HEPH: variants seen among roughly 807,000 people sequenced by gnomAD.
HEPH encodes hephaestin.
HEPH carries 69 observed loss-of-function variants against 80.8 expected under a neutral mutation model. The ratio of observed to expected loss-of-function variants is 0.85; its 90% CI spans 0.70 to 1.04. The LOEUF is 1.04. Ranked by LOEUF, HEPH falls within the 50% of genes least tolerant of loss-of-function variation. The pLI is 0.00. For synonymous variants in HEPH, 431 were observed against 322.8 expected, an observed-to-expected ratio of 1.34 and a Z score of -3.60; for missense variants, 1,115 against 891.3, an observed-to-expected ratio of 1.25 and a Z score of -3.20.
At chrX:66,259,094 C>A in intron 18 of HEPH, 115 bp downstream of exon 18, 1 of 797,027 alleles carries the variant, frequency 1.3e-6, no homozygotes, top group Non-Finnish European at 1.7e-6. Flanking sequence ...GAGCAGAGGT[C>A]TAGTACATGG....
chrX:66,195,035 C>A, intron 8 of HEPH, 63 bp from the exon 9 acceptor site: 1 of 936,008 alleles, frequency 1.1e-6, no homozygotes, highest in African/African-American at 2.0e-5. Context: ...CCTCTTCTTC[C>A]ATTTCCTTCC....
intron 9 of HEPH, among the ~76,000 whole-genome samples, chrX:66,195,546 T>C (rs899313328): frequency 9.0e-6 from 1 of 111,606 alleles, no homozygotes; most frequent in African/African-American, 3.3e-5. Flanking sequence ...TTTAAATATT[T>C]TTATGTGCTT....
chrX:66,243,540 A>G (rs1433204024), intron 15 of HEPH, among the ~76,000 whole-genome samples: 1 of 112,828 alleles, frequency 8.9e-6, no homozygotes. Flanking sequence ...CCATCTCTAT[A>G]CTTTGACCCT....
intron 1 of HEPH, chrX:66,169,824 A>G (rs1366281253): frequency 8.9e-6 from 1 of 111,791 alleles, no homozygotes; most frequent in African/African-American, 3.3e-5. Context: ...TTCAAGGCAA[A>G]CATTATCCTT....
Position 66,245,587 on chromosome X carries a change from C to T in HEPH, c.2564-9448C>T, listed in dbSNP as rs1182942952. ...ACAGATCAACGAGACAGAAAGTTAA[C>T]AAGGATATCCAGGAACTGAACTCAG... On this transcript the variant is annotated intron_variant, in intron 15 of 20. Transcript: ENST00000343002. Among the ~76,000 whole-genome samples, 6 of 111,209 alleles carry T rather than the reference C, an allele frequency of 5.4e-5. 1 individual carries two copies. The South Asian group carries it at 1.6e-3, about 29-fold the overall frequency.
chrX:66,189,468 T>C (rs1219134980), intron 5 of HEPH, among the ~76,000 whole-genome samples: 1 of 112,079 alleles, frequency 8.9e-6, no homozygotes, highest in African/African-American at 3.2e-5. Context: ...CTCTGAGTCT[T>C]GGTTTTCTCT....
At chrX:66,168,400 C>A (rs2086460768) in intron 1 of HEPH, among the ~76,000 whole-genome samples, 1 of 111,918 alleles carries the variant, frequency 8.9e-6, no homozygotes, top group African/African-American at 3.2e-5. Flanking sequence ...TGATTTATTT[C>A]TCCAGGGCTG....
At chrX:66,246,234 G>T (rs2090800297) in intron 15 of HEPH, among the ~76,000 whole-genome samples, 1 of 112,146 alleles carries the variant, frequency 8.9e-6, no homozygotes, top group South Asian at 3.7e-4. Context: ...AAGTGAGACT[G>T]TTGGGTTAGA....
chrX:66,237,477 G>A (rs1417621096), intron 15 of HEPH, among the ~76,000 whole-genome samples: 1 of 111,926 alleles, frequency 8.9e-6, no homozygotes, highest in Non-Finnish European at 1.9e-5. Context: ...TAATATGATT[G>A]GACTTTGTTC....
chrX:66,266,351 A>T, intron 20 of HEPH, 89 bp from the exon 21 acceptor site: 1 of 646,506 alleles, frequency 1.5e-6, no homozygotes, highest in East Asian at 3.4e-5. Flanking sequence ...ATTTGGATTG[A>T]CTTGTTTTTT....
chrX:66,243,882 T>A (rs180950253), intron 15 of HEPH, among the ~76,000 whole-genome samples: 6 of 112,382 alleles, frequency 5.3e-5, no homozygotes, highest in Non-Finnish European at 1.1e-4. Flanking sequence ...TCCCTTAGCA[T>A]TTGCCTGCCT....
At chrX:66,197,660 T>A in intron 9 of HEPH, 23 bp from the exon 10 acceptor site, 1 of 1,153,379 alleles carries the variant, frequency 8.7e-7, no homozygotes, top group Non-Finnish European at 1.2e-6. Flanking sequence ...ATCTAAGTAA[T>A]GAGTCCCATA....
rs2091265640 is a variant in HEPH, at chrX:66,258,864, A to G, written c.2921A>G (p.Asn974Ser). 8.5e-7 allele frequency: 1 copy of G among 1,172,126 alleles called. No individual in the cohort carries two copies. The highest frequency in any genetic ancestry group is 1.1e-6 in the Non-Finnish European group (1 of 877,810). ...GCAATCAATGGGAAACTCTATGCCA[A>G]CCTTAGGGGTCTTACCATGTACCAA... is the stretch of plus-strand genomic sequence containing the variant. Reference protein sequence around the residue: ...MHAINGKLYANLRGLTMYQGE... With the variant: ...MHAINGKLYASLRGLTMYQGE... Residue 974 changes from asparagine to serine, a missense_variant, in exon 18 of 21, where the codon AAC becomes AGC. This residue lies in a region of HEPH where 716 missense variants were observed against 523.5 expected (regional missense o/e 1.37). Coordinates refer to ENST00000343002, the MANE Select transcript of HEPH (RefSeq NM_001367233.3).
intron 16 of HEPH, among the ~76,000 whole-genome samples, chrX:66,255,737 T>C (rs1429222060): frequency 1.8e-5 from 2 of 111,492 alleles, no homozygotes; most frequent in African/African-American, 6.5e-5. Flanking sequence ...GAGGTGCATG[T>C]ACTCTGGGCC....
chrX:66,249,012 G>A (rs756010397), intron 15 of HEPH, among the ~76,000 whole-genome samples: 12 of 111,437 alleles, frequency 1.1e-4, no homozygotes, highest in Non-Finnish European at 2.1e-4. Flanking sequence ...TAGGAGGTTT[G>A]AAGAAAAGGA....
chrX:66,260,324 G>A, intron 19 of HEPH, 62 bp downstream of exon 19: 1 of 969,585 alleles, frequency 1.0e-6, no homozygotes, highest in Non-Finnish European at 1.4e-6. Flanking sequence ...ATAGGAAGCA[G>A]GTAATACCAA....
chrX:66,217,053 G>C (rs181416047), intron 15 of HEPH, among the ~76,000 whole-genome samples: 2 of 110,697 alleles, frequency 1.8e-5, no homozygotes, highest in East Asian at 5.7e-4. Context: ...CCAAACCTAA[G>C]AATAATTGGT....
At chrX:66,178,318 C>T (rs1244556717) in intron 4 of HEPH, among the ~76,000 whole-genome samples, 3 of 112,495 alleles carry the variant, frequency 2.7e-5, no homozygotes, top group African/African-American at 9.7e-5. Flanking sequence ...TGTATATGTG[C>T]CACATTTTCT....
intron 8 of HEPH, among the ~76,000 whole-genome samples, chrX:66,194,584 A>T (rs908084829): frequency 5.4e-5 from 6 of 112,044 alleles, no homozygotes; most frequent in African/African-American, 9.7e-5. Flanking sequence ...TACCTAGTAC[A>T]GTGCCTGGAT....
Sources: allele counts gnomAD v4.1 joint callset (sites outside exome capture counted in the v4.1 genomes callset), GRCh38; gene constraint gnomAD v4.1.1; regional missense constraint gnomAD v4.1.1; transcripts MANE v1.5; gene names NCBI Gene and HGNC (gene_info 2026-07-23, HGNC 2026-07-21).